Variants in A3GALT2 observed in about 807,000 individuals in gnomAD.
A3GALT2 encodes alpha 1,3-galactosyltransferase 2, also known as alpha-1,3-galactosyltransferase 2.
A neutral mutation model predicts 16.6 loss-of-function variants in A3GALT2; 14 were observed. The ratio of observed to expected loss-of-function variants is 0.84; its 90% CI spans 0.56 to 1.32. A3GALT2 has a LOEUF of 1.32. Among genes scored for constraint, A3GALT2 ranks in the 40% most tolerant of loss-of-function variants. The pLI is 0.00. For synonymous variants in A3GALT2, 253 were observed against 218.0 expected (o/e 1.16, Z -1.42); for missense variants, 600 against 490.9 (o/e 1.22, Z -2.10).
At chr1:33,313,947 C>G (rs1041394368) in intron 1 of A3GALT2, 1 of 152,154 alleles carries the variant, frequency 6.6e-6, no homozygotes, top group East Asian at 1.9e-4. Flanking sequence ...CTAGTGATGA[C>G]CATTCTTCCT....
intron 1 of A3GALT2, chr1:33,314,958 A>T (rs1221964225): frequency 6.6e-6 from 1 of 152,212 alleles, no homozygotes; most frequent in African/African-American, 2.4e-5. Flanking sequence ...TTTAAAAAAA[A>T]ACATAATAGG....
chr1:33,312,159 G>A lies in A3GALT2; in HGVS notation c.228C>T (p.Pro76=). The A allele has an allele frequency of 1.2e-6, 2 of 1,613,418 alleles. No individual in the cohort carries two copies. The highest frequency in any genetic ancestry group is 2.2e-5 in the South Asian group (2 of 91,030). Residue 76 remains proline (P), a synonymous_variant, in exon 4 of 5, where the codon CCC becomes CCT. Coordinates refer to ENST00000442999, the MANE Select transcript of A3GALT2 (RefSeq NM_001080438.1). ...CATCCCAAATAATGGGAGCCCCCCA[G>A]GGGGTACAGGTCAGAACTTCAGGCC... ...WARPEVLTCT[P]WGAPIIWDGS...
intron 1 of A3GALT2, among the ~76,000 whole-genome samples, chr1:33,313,168 T>G (rs1646243620): frequency 3.8e-4 from 2 of 5,216 alleles, no homozygotes; most frequent in South Asian, 4.4e-3. Flanking sequence ...TGTGGCTCAG[T>G]GACGGAGTTT....
Position 33,307,343 on chromosome 1 carries a change from CG to C in A3GALT2, c.445del (p.Arg149AlafsTer120). The C allele has an allele frequency of 6.5e-7, 1 of 1,541,522 alleles. No homozygotes were observed. On this transcript the variant is annotated frameshift_variant, in exon 5 of 5. Transcript: ENST00000442999. LOFTEE classifies it low-confidence loss of function (END_TRUNC). Reference sequence around the variant, plus strand: ...CCGGCGTCCCGGGCCCAGCGCCACGCGGGGCACCGCTCCCGGAAGCTCGGTG... The same window carrying C: ...CCGGCGTCCCGGGCCCAGCGCCACGCGGGCACCGCTCCCGGAAGCTCGGTG... ...VFTELPGAVP[R>X]VALGPGRRLP...
intron 4 of A3GALT2, among the ~76,000 whole-genome samples, chr1:33,311,088 C>T (rs1646230619): frequency 6.6e-6 from 1 of 152,180 alleles, no homozygotes; most frequent in Non-Finnish European, 1.5e-5. Flanking sequence ...GAGGCTCTCA[C>T]CACCTTCCCA....
intron 1 of A3GALT2, among the ~76,000 whole-genome samples, chr1:33,318,935 A>G (rs1329160194): frequency 6.6e-6 from 1 of 152,188 alleles, no homozygotes. Flanking sequence ...ATTTGTGTTC[A>G]TTCTCTCTTC....
intron 3 of A3GALT2, 111 bp from the exon 4 acceptor site, chr1:33,312,300 G>T: frequency 2.0e-6 from 3 of 1,468,380 alleles, no homozygotes; most frequent in Non-Finnish European, 2.7e-6. Context: ...AGACCGATGA[G>T]ACCTAGTTGC....
At position 33,320,134 on chromosome 1, in the gene A3GALT2, GCTC is replaced by G. The variant is rs1418613107; in HGVS notation, c.23+939_23+941del. ...GCTTCTTCCCTTCGCACTCTATTCA[GCTC>G]CTGTCTGAGCTCCTGGAGGGCTGGC... On this transcript the variant is annotated intron_variant, in intron 1 of 4. Coordinates refer to ENST00000442999, the MANE Select transcript of A3GALT2 (RefSeq NM_001080438.1). The surrounding 1 kb of genome is among the most constrained non-coding windows in gnomAD (Gnocchi z 4.3). Among the ~76,000 whole-genome samples the G allele has an allele frequency of 2.6e-5, 4 of 151,912 alleles. No individual in the cohort carries two copies. The highest frequency in any genetic ancestry group is 4.4e-5 in the Non-Finnish European group (3 of 68,024).
chr1:33,319,566 G>T (rs1358877225), intron 1 of A3GALT2, among the ~76,000 whole-genome samples: 1 of 152,188 alleles, frequency 6.6e-6, no homozygotes, highest in Non-Finnish European at 1.5e-5. Context: ...GGAAAATTAA[G>T]GTCCAGAAAG....
chr1:33,312,182 G>C lies in A3GALT2; in HGVS notation c.205C>G (p.Pro69Ala), dbSNP rs1319238647. 1 of 1,613,260 alleles carries C rather than the reference G, an allele frequency of 6.2e-7. No homozygotes were observed. Among genetic ancestry groups the C allele is most frequent in the Non-Finnish European group, 8.5e-7 (1 of 1,179,772 alleles). The change falls in exon 4 of 5, where the codon CCT becomes GCT. Residue 69 changes from proline to alanine, a missense_variant. Pro to Ala is a conservative substitution (Grantham distance 27). Transcript: ENST00000442999. ...CAGGGGGTACAGGTCAGAACTTCAG[G>C]CCGGGCCCTGGCCAGGGCAGGGATG... is the stretch of plus-strand genomic sequence containing the variant. ...FTGALRPWAR[P>A]EVLTCTPWGA...
In A3GALT2 at chr1:33,312,080, T is replaced by C. The variant is rs375537205; in HGVS notation, c.307A>G (p.Ile103Val). The C allele has an allele frequency of 6.1e-5, 99 of 1,613,724 alleles. 1 individual carries two copies. In the East Asian group the frequency reaches 1.4e-3, roughly 22 times the overall value. ...KQEARQQNLT[I>V]GLTIFAVGRY... ...CCTACAGCAAAGATAGTCAGCCCAA[T>C]GGTGAGGTTCTGCTGTCTAGCCTCT... is the stretch of plus-strand genomic sequence containing the variant. Residue 103 changes from isoleucine to valine, a missense_variant, in exon 4 of 5, where the codon ATT becomes GTT. Coordinates refer to ENST00000442999, the MANE Select transcript of A3GALT2 (RefSeq NM_001080438.1).
At position 33,308,976 on chromosome 1, in the gene A3GALT2, G is replaced by C. The variant is rs1198814482; in HGVS notation, c.336-1523C>G. ...TTAGGGAGCGGTGATGACTCTTAAC[G>C]AGCATGCTGCCTTCAAGCATCTGTT... is the stretch of plus-strand genomic sequence containing the variant. On this transcript the variant is annotated intron_variant, in intron 4 of 4. Transcript: ENST00000442999. Among the ~76,000 whole-genome samples the C allele has an allele frequency of 3.3e-5, 5 of 151,374 alleles. 1 individual carries two copies. Among genetic ancestry groups the C allele is most frequent in the African/African-American group, 1.2e-4 (5 of 41,056 alleles).
intron 4 of A3GALT2, among the ~76,000 whole-genome samples, chr1:33,311,025 C>T (rs1646230425): frequency 6.6e-6 from 1 of 152,190 alleles, no homozygotes; most frequent in African/African-American, 2.4e-5. Context: ...GAGCCTTGAA[C>T]AGTTGTCTGG....
rs944986127 is a variant in A3GALT2, at chr1:33,309,469, C to T, written c.336-2016G>A. On this transcript the variant is annotated intron_variant, in intron 4 of 4. Transcript: ENST00000442999. ...TCCCCCACGTCCCTCCCGGATGGGG[C>T]GGCTGGCCGGGCGGGGGCTGCCCCC... Among the ~76,000 whole-genome samples the T allele has an allele frequency of 1.5e-4, 22 of 150,818 alleles. No homozygotes were observed. The South Asian group carries it at 3.2e-3, about 22-fold the overall frequency.
intron 1 of A3GALT2, among the ~76,000 whole-genome samples, chr1:33,315,537 C>T (rs542880025): frequency 1.2e-4 from 19 of 152,020 alleles, no homozygotes; most frequent in Non-Finnish European, 1.5e-5. Flanking sequence ...AGAGGTAGAC[C>T]CTGTCTTGAT....
At chr1:33,309,173 C>T (rs1159006150) in intron 4 of A3GALT2, among the ~76,000 whole-genome samples, 6 of 152,218 alleles carry the variant, frequency 3.9e-5, no homozygotes, top group Non-Finnish European at 5.9e-5. Flanking sequence ...CTTCTTTCTA[C>T]ACAGACACAG....
chr1:33,318,412 T>G (rs1472973358), intron 1 of A3GALT2, among the ~76,000 whole-genome samples: 1 of 151,646 alleles, frequency 6.6e-6, no homozygotes, highest in East Asian at 1.9e-4. Flanking sequence ...CACTCTCCCC[T>G]TCCTGTGTTC....
intron 1 of A3GALT2, chr1:33,313,174 AG>A: frequency 1.5e-4 from 1 of 6,510 alleles, no homozygotes; most frequent in Non-Finnish European, 2.8e-4. Context: ...TCAGTGACGG[AG>A]TTTTTTTTTT....
intron 4 of A3GALT2, among the ~76,000 whole-genome samples, chr1:33,310,039 C>T (rs535425462): frequency 1.4e-4 from 22 of 152,384 alleles, no homozygotes; most frequent in African/African-American, 4.6e-4. Context: ...AGCGAGACTC[C>T]GTCTGCAATC....
Sources: gnomAD v4.1 joint callset for allele counts (sites outside exome capture counted in the v4.1 genomes callset) on GRCh38, gnomAD v4.1.1 for gene constraint, Gnocchi (gnomAD v3.1) non-coding constraint, MANE v1.5 for transcripts, NCBI Gene and HGNC (gene_info 2026-07-23, HGNC 2026-07-21) for gene names.